Variants in RFFL observed in about 807,000 individuals in gnomAD.
RFFL encodes E3 ubiquitin-protein ligase rififylin.
Under a neutral mutation model 40.4 loss-of-function variants are expected in RFFL, and 16 were observed. That is an observed-to-expected ratio of 0.40 (90% CI 0.27 to 0.60). The LOEUF (loss-of-function observed/expected upper bound fraction) is 0.60, where lower values mean the gene tolerates loss of function less well. RFFL is among the 20% of genes least tolerant of loss of function. The pLI, the probability that RFFL is intolerant of heterozygous loss-of-function variation, is 0.47. For synonymous variants in RFFL, 154 were observed against 167.9 expected, an observed-to-expected ratio of 0.92 and a Z score of 0.64; for missense variants, 367 against 451.7, an observed-to-expected ratio of 0.81 and a Z score of 1.70.
At position 35,009,706 on chromosome 17, in the gene RFFL, A is replaced by C. The variant is rs1312100336; in HGVS notation, c.*2262T>G. ...ACAACCTCAGTTTTAATTCTTACTG[A>C]GGTTACTAACCAGCTATCAGTATAT... On this transcript the variant is annotated 3_prime_UTR_variant, in exon 7 of 7. Coordinates refer to ENST00000394597, the MANE Select transcript of RFFL (RefSeq NM_001017368.2). 1 of 152,212 alleles carries C rather than the reference A, an allele frequency of 6.6e-6. No individual in the cohort carries two copies. The highest frequency in any genetic ancestry group is 1.5e-5 in the Non-Finnish European group (1 of 68,034). 9.4% of individuals were successfully genotyped at this position (152,212 alleles called of 1,614,324 possible). A position where few individuals can be genotyped will look rare whatever the true frequency, so the allele number is the denominator to read the frequency against.
chr17:35,086,171 G>A (rs190816654), intron 1 of RFFL, among the ~76,000 whole-genome samples: 7 of 152,106 alleles, frequency 4.6e-5, no homozygotes, highest in Non-Finnish European at 7.4e-5. Context: ...AAAGACCCGG[G>A]AGTCTGTTTC....
intron 1 of RFFL, among the ~76,000 whole-genome samples, chr17:35,054,558 C>A (rs1388164021): frequency 6.6e-6 from 1 of 152,020 alleles, no homozygotes; most frequent in Admixed American, 6.6e-5. Context: ...CCCACCTCTC[C>A]ATTCCTAAAC....
At position 35,070,050 on chromosome 17, in the gene RFFL, G is replaced by C. The variant is rs541512538; in HGVS notation, c.-9+19055C>G. ...ATATATATACATACACACCGAGAGA[G>C]GGAGAGCACGCGCACGTGCAAAAGA... On this transcript the variant is annotated intron_variant, in intron 1 of 6. Coordinates refer to the RFFL transcript ENST00000315249. Among the ~76,000 whole-genome samples, 30 of 152,062 alleles carry C rather than the reference G, an allele frequency of 2.0e-4. No individual in the cohort carries two copies. In the South Asian group the frequency reaches 6.0e-3, roughly 31 times the overall value.
intron 2 of RFFL, among the ~76,000 whole-genome samples, chr17:35,023,447 ACC>A (rs2091021903): frequency 6.6e-6 from 1 of 152,258 alleles, no homozygotes; most frequent in South Asian, 2.1e-4. Flanking sequence ...TACAGTTATA[ACC>A]AAACAATACT....
At chr17:35,071,321 GA>G (rs142315279) in intron 1 of RFFL, among the ~76,000 whole-genome samples, 10,821 of 152,006 alleles carry the variant, frequency 0.071, 528 homozygotes, top group Non-Finnish European at 0.094. Context: ...CTCTGGAAAA[GA>G]ATTTAGCAAT....
Position 35,012,050 on chromosome 17 carries a change from C to T in RFFL, c.1010G>A (p.Cys337Tyr), listed in dbSNP as rs1316177630. 1 of 1,614,018 alleles carries T rather than the reference C, an allele frequency of 6.2e-7. No homozygotes were observed. Among genetic ancestry groups the T allele is most frequent in the Non-Finnish European group, 8.5e-7 (1 of 1,180,012 alleles). ...ATTCATGCGCTTGCCACACTTGGTACAGGTTACCATGTGGCCACACTCCAG... is the reference window on the plus strand; with the variant it reads ...ATTCATGCGCTTGCCACACTTGGTATAGGTTACCATGTGGCCACACTCCAG... ...VLLECGHMVT[C>Y]TKCGKRMNEC... Residue 337 changes from cysteine (C) to tyrosine (Y), a missense_variant, in exon 7 of 7, where the codon TGT becomes TAT. Physicochemically the swap from Cys to Tyr is radical, Grantham distance 194. Transcript: ENST00000394597.
chr17:35,088,084 AC>A (rs1271691797), intron 1 of RFFL, among the ~76,000 whole-genome samples: 2 of 152,172 alleles, frequency 1.3e-5, no homozygotes, highest in Non-Finnish European at 2.9e-5. Flanking sequence ...AGTTGCAGCG[AC>A]AGTGGTTAAC....
At chr17:35,039,523 C>CA (rs1202190673) in intron 1 of RFFL, among the ~76,000 whole-genome samples, 2 of 151,974 alleles carry the variant, frequency 1.3e-5, no homozygotes, top group Non-Finnish European at 2.9e-5. Flanking sequence ...CAGCCAATGA[C>CA]AGATTTTTTA....
intron 1 of RFFL, among the ~76,000 whole-genome samples, chr17:35,072,345 C>A (rs1428471574): frequency 6.6e-6 from 1 of 151,692 alleles, no homozygotes; most frequent in Non-Finnish European, 1.5e-5. Flanking sequence ...AAAACCCAGT[C>A]TTAAAAGGTC....
At chr17:35,033,909 G>A (rs1347605211) in intron 1 of RFFL, among the ~76,000 whole-genome samples, 2 of 151,826 alleles carry the variant, frequency 1.3e-5, no homozygotes, top group East Asian at 1.9e-4. Flanking sequence ...CTGGGAGGCC[G>A]AGGTGGGCGG....
intron 1 of RFFL, among the ~76,000 whole-genome samples, chr17:35,047,507 A>G (rs563240233): frequency 6.6e-6 from 1 of 152,362 alleles, no homozygotes; most frequent in South Asian, 2.1e-4. Context: ...TAAATAATTT[A>G]AAGAAAGTAC....
rs528600814 is a variant in RFFL at position 35,056,463 on chromosome 17, C to T, written c.-9+7113G>A. 1.8e-4 allele frequency among the ~76,000 whole-genome samples: 28 copies of T among 151,474 alleles called. No homozygotes were observed. In the East Asian group the frequency reaches 5.2e-3, roughly 28 times the overall value. ...CATGATCTCGGCTCACCACAACCTC[C>T]GCCTCCTGGGTTCAAATGATTCTCC... On this transcript the variant is annotated intron_variant, in intron 1 of 6. Coordinates refer to ENST00000394597, the MANE Select transcript of RFFL (RefSeq NM_001017368.2).
chr17:35,061,540 C>T (rs572047334), intron 1 of RFFL, among the ~76,000 whole-genome samples: 39 of 152,248 alleles, frequency 2.6e-4, no homozygotes, highest in African/African-American at 8.9e-4. Flanking sequence ...TCATTGAAAC[C>T]TCCACCTCCT....
intron 6 of RFFL, among the ~76,000 whole-genome samples, chr17:35,013,339 G>A (rs999000971): frequency 4.4e-4 from 67 of 152,216 alleles, no homozygotes; most frequent in Non-Finnish European, 6.9e-4. Context: ...TAACTGGCTT[G>A]TGTCACTAGC....
chr17:35,032,511 G>A (rs747088096), intron 1 of RFFL, among the ~76,000 whole-genome samples: 9 of 152,062 alleles, frequency 5.9e-5, no homozygotes, highest in Admixed American at 1.3e-4. Flanking sequence ...AATAGATGGT[G>A]GAATTACTTA....
chr17:35,019,130 T>C (rs1011931952), intron 3 of RFFL: 2 of 152,256 alleles, frequency 1.3e-5, no homozygotes, highest in African/African-American at 2.4e-5. Flanking sequence ...AGCTCACTTA[T>C]GAACTTGTCA....
At chr17:35,027,976 T>C (rs1284737167) in intron 1 of RFFL, among the ~76,000 whole-genome samples, 2 of 150,288 alleles carry the variant, frequency 1.3e-5, no homozygotes, top group Non-Finnish European at 2.9e-5. Context: ...GAGATTGCAG[T>C]GACGGGAGAT....
At chr17:35,085,430 T>C (rs1209537108) in intron 1 of RFFL, among the ~76,000 whole-genome samples, 1 of 152,294 alleles carries the variant, frequency 6.6e-6, no homozygotes, top group East Asian at 1.9e-4. Flanking sequence ...GAAATGCAGT[T>C]TTTTGTTGTT....
intron 1 of RFFL, among the ~76,000 whole-genome samples, chr17:35,068,947 T>C (rs2091333661): frequency 1.3e-5 from 2 of 152,130 alleles, no homozygotes. Flanking sequence ...TTTCTGTTTT[T>C]TTTCCCTGAG....
Sources: gnomAD v4.1 joint callset for allele counts (sites outside exome capture counted in the v4.1 genomes callset) on GRCh38, gnomAD v4.1.1 for gene constraint, MANE v1.5 for transcripts, NCBI Gene and HGNC (gene_info 2026-07-23, HGNC 2026-07-21) for gene names.